EFR3A: variants seen among roughly 807,000 people sequenced by gnomAD.
EFR3A encodes the protein protein EFR3 homolog A.
EFR3A carries 76 observed loss-of-function variants against 104.4 expected under a neutral mutation model. That is an observed-to-expected ratio of 0.73 (90% CI 0.60 to 0.88). The LOEUF (loss-of-function observed/expected upper bound fraction) is 0.88. EFR3A is among the 40% of genes least tolerant of loss of function. The probability of loss-of-function intolerance (pLI) is 0.00; values close to 1 mark genes in which losing one functional copy is unlikely to be tolerated. For synonymous variants in EFR3A, 330 were observed against 330.0 expected (o/e 1.00, Z 0.00); for missense variants, 985 against 1,012.5 (o/e 0.97, Z 0.37).
intron 11 of EFR3A, 55 bp downstream of exon 11, chr8:131,976,196 C>A: frequency 8.9e-7 from 1 of 1,123,280 alleles, no homozygotes; most frequent in Non-Finnish European, 1.3e-6. Flanking sequence ...TTTATCCTAA[C>A]GAAATCTAGA....
chr8:131,989,280 A>G (rs1175878176), intron 18 of EFR3A, among the ~76,000 whole-genome samples: 1 of 152,182 alleles, frequency 6.6e-6, no homozygotes, highest in Non-Finnish European at 1.5e-5. Flanking sequence ...TCAGATATTC[A>G]TTTAAAAAAT....
Position 131,966,343 on chromosome 8 carries a change from T to C in EFR3A, c.856-1952T>C, listed in dbSNP as rs544399224. On this transcript the variant is annotated intron_variant, in intron 8 of 22. Transcript: ENST00000254624. ...GGTGAACCTACCTCCTAGAACTGTT[T>C]ATGTAAATAATACATATATAGTACT... is the stretch of plus-strand genomic sequence containing the variant. Among the ~76,000 whole-genome samples the C allele has an allele frequency of 2.5e-4, 38 of 152,302 alleles. 1 individual carries two copies. The highest frequency in any genetic ancestry group is 9.1e-4 in the African/African-American group (38 of 41,582).
At chr8:131,923,304 A>G (rs979439460) in intron 1 of EFR3A, among the ~76,000 whole-genome samples, 3 of 152,140 alleles carry the variant, frequency 2.0e-5, no homozygotes, top group African/African-American at 7.2e-5. Flanking sequence ...TTTTAAAATA[A>G]GTGATTTGAG....
Position 131,959,469 on chromosome 8 carries a change from T to G in EFR3A, c.777-116T>G, listed in dbSNP as rs1819194026. The G allele has an allele frequency of 6.8e-6, 5 of 738,960 alleles. No individual in the cohort carries two copies. In the East Asian group the frequency reaches 1.4e-4, roughly 21 times the overall value. The allele number at this position is 738,960 out of a possible 1,614,324, so 45.8% of individuals were successfully genotyped here. A position where few individuals can be genotyped will look rare whatever the true frequency, so the allele number is the denominator to read the frequency against. Reference sequence around the variant, plus strand: ...TCATTACTTAAGAATTAAATTGAAATCTTGCTTTTCTTTTAGGTAATATTC... The same window carrying G: ...TCATTACTTAAGAATTAAATTGAAAGCTTGCTTTTCTTTTAGGTAATATTC... On this transcript the variant is annotated intron_variant, in intron 7 of 22. Transcript: ENST00000254624.
chr8:131,966,052 G>A (rs1819704355), intron 8 of EFR3A, among the ~76,000 whole-genome samples: 1 of 152,044 alleles, frequency 6.6e-6, no homozygotes, highest in Non-Finnish European at 1.5e-5. Flanking sequence ...CACACACTGG[G>A]GCCTGTTGTG....
intron 3 of EFR3A, among the ~76,000 whole-genome samples, chr8:131,945,876 A>G (rs1818411708): frequency 6.6e-6 from 1 of 151,932 alleles, no homozygotes; most frequent in South Asian, 2.1e-4. Context: ...ATTAGAACTT[A>G]TTTCTTTTAT....
At position 131,994,206 on chromosome 8, in the gene EFR3A, G is replaced by A. The variant is rs142524865; in HGVS notation, c.2066-2200G>A. ...TGCAGTGAGCTCTGATCACACCACT[G>A]TACTCCAGCCAGGGTGACAGAGAAG... On this transcript the variant is annotated intron_variant, in intron 18 of 22. Transcript: ENST00000254624. 6.6e-5 allele frequency among the ~76,000 whole-genome samples: 10 copies of A among 151,596 alleles called. No homozygotes were observed. In the East Asian group the frequency reaches 1.9e-3, roughly 29 times the overall value.
intron 18 of EFR3A, among the ~76,000 whole-genome samples, chr8:131,991,264 C>A (rs921418624): frequency 6.6e-6 from 1 of 152,116 alleles, no homozygotes; most frequent in Admixed American, 6.5e-5. Context: ...GATTCAGTTA[C>A]CTACCACTGT....
intron 1 of EFR3A, among the ~76,000 whole-genome samples, chr8:131,921,740 A>T (rs191225875): frequency 6.6e-6 from 1 of 152,138 alleles, no homozygotes; most frequent in Non-Finnish European, 1.5e-5. Flanking sequence ...TTTGTATGTT[A>T]CTATTGAGAT....
In EFR3A at chr8:131,940,514, G is replaced by C. The variant is rs1162504333; in HGVS notation, c.26G>C (p.Cys9Ser). 2 of 1,600,296 alleles carry C rather than the reference G, an allele frequency of 1.2e-6. No homozygotes were observed. Among genetic ancestry groups the C allele is most frequent in the East Asian group, 2.3e-5 (1 of 44,422 alleles). The part of the protein sequence containing the change: MPTRVCCC[C>S]SALRPRYKRL... ...TTTTTAACAGGAGTATGCTGCTGCT[G>C]TTCCGCTTTGCGTCCTCGCTACAAA... Residue 9 changes from cysteine to serine, a missense_variant, in exon 2 of 23, where the codon TGT (cysteine) becomes TCT (serine). By Grantham distance (112) the Cys-to-Ser change is moderately radical. Coordinates refer to ENST00000254624, the MANE Select transcript of EFR3A (RefSeq NM_015137.6).
rs766394619 is a variant in EFR3A, at chr8:131,959,675, TTAAC to T, written c.855+15_855+18del. The T allele has an allele frequency of 6.2e-5, 99 of 1,593,070 alleles. No homozygotes were observed. Among genetic ancestry groups the T allele is most frequent in the African/African-American group, 2.3e-4 (17 of 74,176 alleles). On this transcript the variant is annotated intron_variant, in intron 8 of 22. Transcript: ENST00000254624. ...TGTATTCCATTCAGGTAAGGTTTGA[TTAAC>T]TATTTACTGTATTTATATAAGTAAT...
At chr8:131,919,918 C>T (rs1421497409) in intron 1 of EFR3A, among the ~76,000 whole-genome samples, 1 of 151,370 alleles carries the variant, frequency 6.6e-6, no homozygotes, top group Non-Finnish European at 1.5e-5. Context: ...TGAAAGCTTC[C>T]AGTATCAGAT....
intron 1 of EFR3A, among the ~76,000 whole-genome samples, chr8:131,917,446 G>A (rs1444451262): frequency 6.6e-6 from 1 of 152,212 alleles, no homozygotes; most frequent in African/African-American, 2.4e-5. Flanking sequence ...CTGATTAAGG[G>A]ATTAACAATT....
chr8:132,003,078 G>C (rs1821865594), intron 21 of EFR3A, among the ~76,000 whole-genome samples, 158 bp from the exon 22 acceptor site: 1 of 152,090 alleles, frequency 6.6e-6, no homozygotes, highest in Non-Finnish European at 1.5e-5. Context: ...AATTCTAATA[G>C]ATAAGACAGA....
intron 1 of EFR3A, among the ~76,000 whole-genome samples, chr8:131,908,058 T>G (rs557167549): frequency 0.011 from 1,511 of 132,136 alleles, 19 homozygotes; most frequent in African/African-American, 0.044. Context: ...GAATTTGAGG[T>G]TTTTTTTTTT....
At position 131,979,014 on chromosome 8, in the gene EFR3A, G is replaced by A. The variant is rs374384114; in HGVS notation, c.1494G>A (p.Gly498=). 2 of 1,604,346 alleles carry A rather than the reference G, an allele frequency of 1.2e-6. No individual in the cohort carries two copies. Among genetic ancestry groups the A allele is most frequent in the Non-Finnish European group, 1.7e-6 (2 of 1,176,296 alleles). Residue 498 remains glycine (G), a synonymous_variant, in exon 13 of 23, where the codon GGG becomes GGA. Coordinates refer to ENST00000254624, the MANE Select transcript of EFR3A (RefSeq NM_015137.6). The part of the protein sequence containing the change: ...DRHDNRAKLR[G]IRIIPDVADL... ...ATGACAATAGGGCAAAGCTTCGAGG[G>A]ATCAGGTAATGTGCCATTTTGAAAT...
chr8:131,946,613 C>G lies in EFR3A; in HGVS notation c.346C>G (p.Gln116Glu), dbSNP rs1346422861. 1 of 1,602,112 alleles carries G rather than the reference C, an allele frequency of 6.2e-7. No homozygotes were observed. Among genetic ancestry groups the G allele is most frequent in the Admixed American group, 1.7e-5 (1 of 58,108 alleles). ...GCTGGAATCGGGGGAACCAAAGCTT[C>G]AAGTTCTTGGAACAAATTCTGTGAG... ...KLLESGEPKL[Q>E]VLGTNSFVKF... Residue 116 changes from glutamine (Q) to glutamate (E), a missense_variant, in exon 4 of 23, where the codon CAA becomes GAA. Physicochemically the swap from Gln to Glu is conservative, Grantham distance 29. Transcript: ENST00000254624.
chr8:131,947,263 A>T (rs193277826), intron 4 of EFR3A, among the ~76,000 whole-genome samples: 2 of 151,930 alleles, frequency 1.3e-5, no homozygotes, highest in Admixed American at 1.3e-4. Context: ...TCATTTCCCT[A>T]ATGATTAATG....
Position 131,979,136 on chromosome 8 carries a change from T to C in EFR3A, c.1499+117T>C. The C allele has an allele frequency of 3.4e-6, 4 of 1,171,592 alleles. No homozygotes were observed. In the South Asian group the frequency reaches 6.9e-5, roughly 20 times the overall value. 72.6% of individuals were successfully genotyped at this position (1,171,592 alleles called of 1,614,324 possible). A position where few individuals can be genotyped will look rare whatever the true frequency, so the allele number is the denominator to read the frequency against. ...TGTTCAGGTTTTATTAATCCATAATTTTATTTAATTGGTATTGAGATAATT... is the reference window on the plus strand; with the variant it reads ...TGTTCAGGTTTTATTAATCCATAATCTTATTTAATTGGTATTGAGATAATT... On this transcript the variant is annotated intron_variant, in intron 13 of 22. Transcript: ENST00000254624.
Sources: gnomAD v4.1 joint callset for allele counts (sites outside exome capture counted in the v4.1 genomes callset) on GRCh38, gnomAD v4.1.1 for gene constraint, MANE v1.5 for transcripts, NCBI Gene and HGNC (gene_info 2026-07-23, HGNC 2026-07-21) for gene names.